The following TJP2 variants were observed in gnomAD, a reference collection of about 807,000 sequenced individuals.
TJP2 encodes the protein Friedreich ataxia region gene X104 (tight junction protein ZO-2).
In TJP2, 91 loss-of-function variants were observed where a neutral mutation model predicts 133.1. The observed-to-expected ratio is 0.68, with a 90% confidence interval of 0.58 to 0.81. The LOEUF is 0.81. Among genes scored for constraint, TJP2 ranks in the 40% least tolerant of loss-of-function variants. The pLI is 0.00. For synonymous variants in TJP2, 592 were observed against 583.4 expected (o/e 1.01, Z -0.21); for missense variants, 1,541 against 1,565.6 (o/e 0.98, Z 0.26).
Position 69,174,428 on chromosome 9 carries a change from T to C in TJP2, c.56T>C (p.Leu19Pro). 2 of 1,551,302 alleles carry C rather than the reference T, an allele frequency of 1.3e-6. No individual in the cohort carries two copies. The highest frequency in any genetic ancestry group is 1.8e-4 in the Middle Eastern group (1 of 5,710). ...FPPRRELSGWLRAPGMEELIW... is the reference protein window; with the variant it reads ...FPPRRELSGWPRAPGMEELIW... The stretch of plus-strand genomic sequence containing the variant: ...CCCCGGCGGGAGCTGTCAGGTTGGC[T>C]CCGCGTAAGTGCCTCCTTGTGCCGC... The change falls in exon 1 of 23, where the codon CTC (leucine) becomes CCC (proline). Residue 19 changes from leucine (L) to proline (P), a missense_variant. Leu to Pro is a moderately conservative substitution (Grantham distance 98). Coordinates refer to ENST00000377245, the MANE Select transcript of TJP2 (RefSeq NM_004817.4).
At chr9:69,155,227 CAAAAAAA>C (rs58935075) in intron 2 of TJP2, among the ~76,000 whole-genome samples, 1 of 98,784 alleles carries the variant, frequency 1.0e-5, no homozygotes, top group Non-Finnish European at 1.9e-5. Context: ...ACTCCATTTC[CAAAAAAA>C]AAAAAAAAAA....
At chr9:69,197,448 AGTT>A (rs764671488) in intron 1 of TJP2, among the ~76,000 whole-genome samples, 2 of 152,146 alleles carry the variant, frequency 1.3e-5, no homozygotes, top group Non-Finnish European at 2.9e-5. Flanking sequence ...TTTGTATACA[AGTT>A]GTTGTGTACA....
chr9:69,201,665 T>A (rs1322606374), intron 1 of TJP2, among the ~76,000 whole-genome samples: 2 of 152,210 alleles, frequency 1.3e-5, no homozygotes, highest in Non-Finnish European at 2.9e-5. Context: ...CCCATGTTCA[T>A]GGCAGCGTTT....
rs765987734 is a variant in TJP2, at chr9:69,254,337, A to G, written c.3536A>G (p.Tyr1179Cys). Residue 1179 changes from tyrosine to cysteine, a missense_variant, in exon 23 of 23, where the codon TAT (tyrosine) becomes TGT (cysteine). Tyr to Cys is a radical substitution (Grantham distance 194). Coordinates refer to ENST00000377245, the MANE Select transcript of TJP2 (RefSeq NM_004817.4). ...QLSEHSKRGY[Y>C]GQSARYRDTE... ...TCAGAACACTCCAAGCGCGGTTACT[A>G]TGGCCAGTCTGCCCGATACCGGGAC... 2 of 1,614,236 alleles carry G rather than the reference A, an allele frequency of 1.2e-6. No homozygotes were observed. The highest frequency in any genetic ancestry group is 1.7e-5 in the Admixed American group (1 of 60,034).
At chr9:69,129,180 A>G (rs1822381318) in intron 1 of TJP2, among the ~76,000 whole-genome samples, 1 of 152,240 alleles carries the variant, frequency 6.6e-6, no homozygotes, top group Admixed American at 6.5e-5. Context: ...CAAACGGACT[A>G]GTGTACATGG....
chr9:69,156,539 T>A (rs1320099535), intron 2 of TJP2, among the ~76,000 whole-genome samples: 3 of 144,078 alleles, frequency 2.1e-5, no homozygotes, highest in Non-Finnish European at 3.0e-5. Flanking sequence ...TTTTTTTTTT[T>A]TTTTTTTTTT....
intron 22 of TJP2, 71 bp from the exon 23 acceptor site, chr9:69,254,138 G>T (rs1175441227): frequency 6.4e-7 from 1 of 1,566,890 alleles, no homozygotes; most frequent in African/African-American, 1.4e-5. Context: ...TGTGCTCAGA[G>T]CCATGCCTCC....
intron 17 of TJP2, among the ~76,000 whole-genome samples, chr9:69,244,872 G>A (rs1454528527): frequency 6.6e-6 from 1 of 152,056 alleles, no homozygotes; most frequent in Non-Finnish European, 1.5e-5. Flanking sequence ...TTTTATCAAG[G>A]GGCAAGAACA....
intron 11 of TJP2, among the ~76,000 whole-genome samples, chr9:69,232,123 A>G (rs1401918315): frequency 6.6e-6 from 1 of 152,150 alleles, no homozygotes; most frequent in Non-Finnish European, 1.5e-5. Flanking sequence ...ATTTATACTT[A>G]AGGTGTTTTG....
chr9:69,224,451 G>A (rs1199128311), intron 5 of TJP2, among the ~76,000 whole-genome samples: 1 of 152,192 alleles, frequency 6.6e-6, no homozygotes, highest in African/African-American at 2.4e-5. Context: ...GCCGAGGCGG[G>A]TGGATCACCT....
chr9:69,238,952 C>G (rs1830391992), intron 16 of TJP2, among the ~76,000 whole-genome samples, 163 bp downstream of exon 16: 2 of 152,134 alleles, frequency 1.3e-5, no homozygotes, highest in African/African-American at 2.4e-5. Flanking sequence ...CTTTGAGAGG[C>G]TGAGGCGGGT....
At chr9:69,254,129 G>C (rs1831535517) in intron 22 of TJP2, 80 bp from the exon 23 acceptor site, 18 of 1,519,066 alleles carry the variant, frequency 1.2e-5, no homozygotes, top group African/African-American at 2.7e-5. Context: ...CCCAGTCACT[G>C]TGCTCAGAGC....
In TJP2 at chr9:69,235,948, GAT is replaced by G. The variant is rs1488627615; in HGVS notation, c.1781-78_1781-77del. On this transcript the variant is annotated intron_variant, in intron 12 of 22. Coordinates refer to ENST00000377245, the MANE Select transcript of TJP2 (RefSeq NM_004817.4). ...GAAGGAAGGTAAAGGGGAGATCAGA[GAT>G]AGGAGAAGCTGTGTTGAGTGTCTAG... 9.0e-6 allele frequency: 12 copies of G among 1,333,354 alleles called. No homozygotes were observed. The African/African-American group carries it at 1.6e-4, about 18-fold the overall frequency. 82.6% of individuals were successfully genotyped at this position (1,333,354 alleles called of 1,614,324 possible).
chr9:69,252,948 G>T, intron 22 of TJP2, 48 bp downstream of exon 22: 1 of 1,551,920 alleles, frequency 6.4e-7, no homozygotes, highest in South Asian at 1.1e-5. Flanking sequence ...ACTTCTCAAG[G>T]ACTGGGACTT....
At chr9:69,200,351 AC>A (rs1219679587) in intron 1 of TJP2, among the ~76,000 whole-genome samples, 1 of 151,328 alleles carries the variant, frequency 6.6e-6, no homozygotes, top group Admixed American at 6.6e-5. Flanking sequence ...TCAGTTAACA[AC>A]CCGCCTGTGC....
intron 2 of TJP2, among the ~76,000 whole-genome samples, chr9:69,166,660 A>T (rs1248564397): frequency 6.6e-6 from 1 of 150,914 alleles, no homozygotes; most frequent in Non-Finnish European, 1.5e-5. Context: ...TTTTTAGTAG[A>T]GACGGGGTTT....
chr9:69,209,462 A>G (rs1827692989), intron 1 of TJP2, among the ~76,000 whole-genome samples: 1 of 152,118 alleles, frequency 6.6e-6, no homozygotes, highest in African/African-American at 2.4e-5. Context: ...TCCATTTAAG[A>G]AAACTTTTTG....
At chr9:69,191,115 G>A (rs962409156) in intron 1 of TJP2, among the ~76,000 whole-genome samples, 2 of 134,222 alleles carry the variant, frequency 1.5e-5, no homozygotes, top group Admixed American at 1.7e-4. Context: ...AAGGAAAAAG[G>A]GTTGGATCTG....
At chr9:69,121,837 C>T (rs549626890) in intron 1 of TJP2, 1 of 152,412 alleles carries the variant, frequency 6.6e-6, no homozygotes, top group African/African-American at 2.4e-5. Context: ...GATGCCTTCC[C>T]TCCTGTCCCG....
Sources: gnomAD v4.1 joint callset for allele counts (sites outside exome capture counted in the v4.1 genomes callset) on GRCh38, gnomAD v4.1.1 for gene constraint, MANE v1.5 for transcripts, NCBI Gene and HGNC (gene_info 2026-07-23, HGNC 2026-07-21) for gene names.